Variants in FHL2 observed in about 807,000 individuals in gnomAD.
FHL2 encodes four and a half LIM domains protein 2.
Under a neutral mutation model 32.7 loss-of-function variants are expected in FHL2, and 20 were observed. The observed-to-expected ratio is 0.61, with a 90% CI of 0.43 to 0.89. The LOEUF is 0.89. Ranked by LOEUF, FHL2 falls within the 40% of genes least tolerant of loss-of-function variation. The pLI is 0.00. For synonymous variants in FHL2, 123 were observed against 128.1 expected (o/e 0.96, Z 0.27); for missense variants, 311 against 358.6 (o/e 0.87, Z 1.07).
intron 1 of FHL2, chr2:105,438,290 C>T: frequency 1.1e-6 from 1 of 896,024 alleles, no homozygotes; most frequent in Non-Finnish European, 1.3e-6. Flanking sequence ...CCTCCCAGGG[C>T]TGGACACTCC....
At position 105,399,003 on chromosome 2, in the gene FHL2, G is replaced by A. The variant is rs753250859; in HGVS notation, c.-237C>T. 1 of 1,502,902 alleles carries A rather than the reference G, an allele frequency of 6.7e-7. No homozygotes were observed. Among genetic ancestry groups the A allele is most frequent in the Non-Finnish European group, 8.9e-7 (1 of 1,129,198 alleles). 93.1% of individuals were successfully genotyped at this position (1,502,902 alleles called of 1,614,324 possible). On this transcript the variant is annotated 5_prime_UTR_variant, in exon 1 of 7. Coordinates refer to ENST00000530340, the MANE Select transcript of FHL2 (RefSeq NM_001318895.3). The stretch of plus-strand genomic sequence containing the variant: ...AGCGGGCCGGGGACTCCCGGACGGG[G>A]CTGGAGGGCGCGGGCGGCTGGTGGC...
rs141014016 is a variant in FHL2, at chr2:105,438,241, C to G, written c.-25+158G>C. On this transcript the variant is annotated intron_variant, in intron 1 of 5. Coordinates refer to the FHL2 transcript ENST00000393352. ...AGCCAGCTGCCAGCAACACCTGCAT[C>G]TCTGCTGGGGTCAGCGAGCTCCCAG... 2.5e-4 allele frequency among the ~76,000 whole-genome samples: 38 copies of G among 152,324 alleles called. 1 individual carries two copies. In the East Asian group the frequency reaches 6.9e-3, roughly 28 times the overall value.
At chr2:105,402,661 A>G (rs1334343198), upstream of FHL2, among the ~76,000 whole-genome samples, 1 of 152,218 alleles carries the variant, frequency 6.6e-6, no homozygotes, top group Non-Finnish European at 1.5e-5. Context: ...GAAATTGAGG[A>G]GGGGAATGCA....
intron 4 of FHL2, among the ~76,000 whole-genome samples, chr2:105,368,918 G>T (rs896883651): frequency 6.6e-6 from 1 of 152,218 alleles, no homozygotes; most frequent in South Asian, 2.1e-4. Context: ...ACTGCTGCCT[G>T]CTTTTCAAAT....
chr2:105,385,967 C>A, intron 3 of FHL2: 1 of 348,934 alleles, frequency 2.9e-6, no homozygotes, highest in Non-Finnish European at 5.1e-6. Flanking sequence ...TGTACACATT[C>A]ATTCATCAAA....
chr2:105,407,331 G>A (rs1374649931), intron 1 of FHL2, among the ~76,000 whole-genome samples: 1 of 150,400 alleles, frequency 6.6e-6, no homozygotes, highest in African/African-American at 2.5e-5. Context: ...GGTGGAGCTT[G>A]CAGTGAGCTG....
chr2:105,377,663 T>C (rs918837153), intron 3 of FHL2: 1 of 175,888 alleles, frequency 5.7e-6, no homozygotes, highest in East Asian at 1.7e-4. Context: ...GTTTTGATTG[T>C]TATGTAGCAG....
At chr2:105,365,673 A>C (rs947547775) in intron 5 of FHL2, among the ~76,000 whole-genome samples, 37 of 146,680 alleles carry the variant, frequency 2.5e-4, no homozygotes, top group African/African-American at 9.2e-4. Context: ...CGTCTCTACT[A>C]CAAAAAAAAA....
intron 1 of FHL2, among the ~76,000 whole-genome samples, chr2:105,413,136 G>A (rs1381525048): frequency 6.6e-6 from 1 of 152,104 alleles, no homozygotes; most frequent in Non-Finnish European, 1.5e-5. Context: ...GCCTCCTGAA[G>A]CAAGGCAGCG....
chr2:105,399,503 C>T, upstream of FHL2: 1 of 1,536,162 alleles, frequency 6.5e-7, no homozygotes, highest in Non-Finnish European at 8.7e-7. Context: ...TCCTTCTTAC[C>T]CTGCAGATGC....
chr2:105,417,447 G>A (rs1025719645), intron 1 of FHL2, among the ~76,000 whole-genome samples: 4 of 152,104 alleles, frequency 2.6e-5, no homozygotes, highest in African/African-American at 4.8e-5. Flanking sequence ...CAATTCGGGA[G>A]ACTGAGGCGG....
upstream of FHL2, chr2:105,399,742 C>T (rs1683394946): frequency 2.1e-6 from 2 of 940,176 alleles, no homozygotes; most frequent in African/African-American, 1.7e-5. Context: ...GGACAGATGG[C>T]ACTGTTCAGC....
At chr2:105,436,805 G>T (rs1243981675) in intron 1 of FHL2, among the ~76,000 whole-genome samples, 1 of 152,014 alleles carries the variant, frequency 6.6e-6, no homozygotes, top group African/African-American at 2.4e-5. Flanking sequence ...TCTTTTTGCT[G>T]GTCTGTATTT....
chr2:105,386,206 A>C, intron 3 of FHL2, 155 bp downstream of exon 3: 1 of 725,240 alleles, frequency 1.4e-6, no homozygotes, highest in Non-Finnish European at 2.2e-6. Flanking sequence ...GCTAGAGGGA[A>C]GAAGCTTCCG....
intron 2 of FHL2, among the ~76,000 whole-genome samples, chr2:105,387,173 TG>T (rs2104591059): frequency 6.6e-6 from 1 of 152,336 alleles, no homozygotes; most frequent in Non-Finnish European, 1.5e-5. Context: ...CCTGTCCGGC[TG>T]TGACCCGGCC....
At chr2:105,374,204 A>G in intron 3 of FHL2, 1 of 214,958 alleles carries the variant, frequency 4.7e-6, no homozygotes. Context: ...AGGAGGCCCA[A>G]GGACTGTTTG....
intron 3 of FHL2, among the ~76,000 whole-genome samples, chr2:105,380,813 G>C (rs1681836171): frequency 6.6e-6 from 1 of 152,088 alleles, no homozygotes; most frequent in East Asian, 1.9e-4. Flanking sequence ...ATACTTCCCA[G>C]AAAAAAATAC....
At chr2:105,391,526 A>G (rs937119168) in intron 2 of FHL2, among the ~76,000 whole-genome samples, 1 of 152,180 alleles carries the variant, frequency 6.6e-6, no homozygotes, top group African/African-American at 2.4e-5. Flanking sequence ...GGAAGATGGA[A>G]GACCCAGTCA....
At chr2:105,385,436 G>A (rs1000285835) in intron 3 of FHL2, among the ~76,000 whole-genome samples, 2 of 152,212 alleles carry the variant, frequency 1.3e-5, no homozygotes, top group Admixed American at 6.5e-5. Flanking sequence ...GACCAGGGAG[G>A]AGAGCAGCAA....
Sources: allele counts gnomAD v4.1 joint callset (sites outside exome capture counted in the v4.1 genomes callset), GRCh38; gene constraint gnomAD v4.1.1; transcripts MANE v1.5; gene names NCBI Gene and HGNC (gene_info 2026-07-23, HGNC 2026-07-21).